The following FRMD6 variants were observed in gnomAD, a reference collection of about 807,000 sequenced individuals.
FRMD6 encodes the protein FERM domain-containing protein 6.
Under a neutral mutation model 73.2 loss-of-function variants are expected in FRMD6, and 37 were observed. The ratio of observed to expected loss-of-function variants is 0.51; its 90% CI spans 0.39 to 0.66. The LOEUF (loss-of-function observed/expected upper bound fraction) is 0.66, where lower values mean the gene tolerates loss of function less well. FRMD6 is among the 30% of genes least tolerant of loss of function. FRMD6 has a pLI of 0.00. For synonymous variants in FRMD6, 273 were observed against 282.2 expected (o/e 0.97, Z 0.33); for missense variants, 714 against 780.5 (o/e 0.91, Z 1.02).
chr14:51,603,944 CAA>C (rs34108011), intron 2 of FRMD6, among the ~76,000 whole-genome samples: 77,402 of 142,752 alleles, frequency 0.54, 20,243 homozygotes, highest in Non-Finnish European at 0.57. Flanking sequence ...TCTTGTGATA[CAA>C]AAAAAAAAAA....
At chr14:51,717,103 G>A (rs761789193) in intron 10 of FRMD6, among the ~76,000 whole-genome samples, 5 of 152,208 alleles carry the variant, frequency 3.3e-5, no homozygotes, top group Non-Finnish European at 5.9e-5. Context: ...TGAGTTTTCA[G>A]AGAGACAGGG....
chr14:51,469,409 C>G, the FRMD6 span, among the ~76,000 whole-genome samples: 1,352 of 150,110 alleles, frequency 9.0e-3, 13 homozygotes, highest in Middle Eastern at 0.024. Context: ...GTCAGCAGAT[C>G]GAGACAATCC....
intron 1 of FRMD6, among the ~76,000 whole-genome samples, chr14:51,535,972 C>T (rs995951358): frequency 6.6e-6 from 1 of 151,064 alleles, no homozygotes; most frequent in Non-Finnish European, 1.5e-5. Flanking sequence ...TTGACCTTAT[C>T]ATTAAACACA....
chr14:51,636,161 ATTACTCCCCGGAGCCAGGG>A (rs1330261916), intron 2 of FRMD6, among the ~76,000 whole-genome samples: 1 of 152,182 alleles, frequency 6.6e-6, no homozygotes, highest in Admixed American at 6.5e-5. Flanking sequence ...TCCCCGCCCC[ATTACTCCCCGGAGCCAGGG>A]TTTATATAGG....
Position 51,729,506 on chromosome 14 carries a change from A to C in FRMD6, c.*1477A>C, listed in dbSNP as rs181913038. On this transcript the variant is annotated 3_prime_UTR_variant, in exon 14 of 14. Coordinates refer to ENST00000344768, the MANE Select transcript of FRMD6 (RefSeq NM_001267046.2). ...GAACTTCATAGCACAATGTCTTTCT[A>C]TAAGATATTTTTAATGATTTAGTAT... The C allele has an allele frequency of 3.9e-5, 6 of 152,668 alleles. No individual in the cohort carries two copies. The highest frequency in any genetic ancestry group is 7.3e-5 in the Non-Finnish European group (5 of 68,036). 9.5% of individuals were successfully genotyped at this position (152,668 alleles called of 1,614,324 possible). A position where few individuals can be genotyped will look rare whatever the true frequency, so the allele number is the denominator to read the frequency against.
chr14:51,701,105 T>A lies in FRMD6; in HGVS notation c.240T>A (p.Cys80Ter). ...TGTCACAAAAGCTTTACAAATATTGTCCAAAAGAATGGAAGAAAGAGGCCA... is the reference window on the plus strand; with the variant it reads ...TGTCACAAAAGCTTTACAAATATTGACCAAAAGAATGGAAGAAAGAGGCCA... ...MELSQKLYKY[C>*]PKEWKKEASK... Residue 80 changes from cysteine (C) to a stop codon, truncating the protein, a stop_gained, in exon 4 of 14, where the codon TGT becomes TGA. Transcript: ENST00000344768. LOFTEE classifies it high-confidence loss of function. 6.3e-7 allele frequency: 1 copy of A among 1,580,206 alleles called. No homozygotes were observed. Among genetic ancestry groups the A allele is most frequent in the Non-Finnish European group, 8.6e-7 (1 of 1,159,964 alleles).
At chr14:51,616,410 A>G (rs1351085392) in intron 2 of FRMD6, among the ~76,000 whole-genome samples, 1 of 152,198 alleles carries the variant, frequency 6.6e-6, no homozygotes, top group Non-Finnish European at 1.5e-5. Context: ...CTACTGGCTT[A>G]GACTAGATTA....
the FRMD6 span, among the ~76,000 whole-genome samples, chr14:51,448,091 G>A: frequency 6.6e-6 from 1 of 152,180 alleles, no homozygotes; most frequent in Non-Finnish European, 1.5e-5. Context: ...GTCTCACCAT[G>A]ATGGATTGTT....
At chr14:51,501,088 T>C (rs1596500880) in intron 1 of FRMD6, among the ~76,000 whole-genome samples, 2 of 152,298 alleles carry the variant, frequency 1.3e-5, no homozygotes, top group East Asian at 3.9e-4. Flanking sequence ...ACTCTAACAA[T>C]TGGGCTTAGA....
chr14:51,429,022 G>A, the FRMD6 span, among the ~76,000 whole-genome samples: 3 of 142,118 alleles, frequency 2.1e-5, no homozygotes, highest in African/African-American at 8.0e-5. Context: ...GAGAGGGTGG[G>A]AGAGAGAGGG....
At chr14:51,427,153 T>C in the FRMD6 span, among the ~76,000 whole-genome samples, 4 of 152,204 alleles carry the variant, frequency 2.6e-5, no homozygotes, top group African/African-American at 9.6e-5. Context: ...GCAGAACTTA[T>C]AGCAAGGTGG....
chr14:51,653,807 T>C (rs1892612209), intron 1 of FRMD6, among the ~76,000 whole-genome samples: 1 of 152,222 alleles, frequency 6.6e-6, no homozygotes, highest in Non-Finnish European at 1.5e-5. Flanking sequence ...TGAATACTTT[T>C]CCCAGTATGT....
chr14:51,610,452 A>T (rs1456270382), intron 2 of FRMD6, among the ~76,000 whole-genome samples: 2 of 151,972 alleles, frequency 1.3e-5, no homozygotes, highest in African/African-American at 4.8e-5. Flanking sequence ...TATCCTACTT[A>T]GAATAAAAAG....
rs192094869 is a variant in FRMD6, at chr14:51,728,946, G to T, written c.*917G>T. ...TATACATATATAAATACATGGGATT[G>T]TGTATGTCTATATGTGTTTAAAGCT... On this transcript the variant is annotated 3_prime_UTR_variant, in exon 14 of 14. Coordinates refer to ENST00000344768, the MANE Select transcript of FRMD6 (RefSeq NM_001267046.2). The T allele has an allele frequency of 1.3e-5, 2 of 152,168 alleles. No homozygotes were observed. Among genetic ancestry groups the T allele is most frequent in the African/African-American group, 4.8e-5 (2 of 41,440 alleles). The allele number at this position is 152,168 out of a possible 1,614,324, so 9.4% of individuals were successfully genotyped here. A position where few individuals can be genotyped will look rare whatever the true frequency, so the allele number is the denominator to read the frequency against.
At chr14:51,396,539 C>T in the FRMD6 span, among the ~76,000 whole-genome samples, 476 of 152,248 alleles carry the variant, frequency 3.1e-3, 7 homozygotes, top group African/African-American at 0.011. Context: ...AGCCACGGAA[C>T]GCAGCTGCCT....
chr14:51,595,854 C>T (rs1011771798), intron 2 of FRMD6, among the ~76,000 whole-genome samples: 16 of 152,162 alleles, frequency 1.1e-4, no homozygotes, highest in South Asian at 6.2e-4. Flanking sequence ...AAACTATTGT[C>T]GATAATTAAT....
At chr14:51,511,484 T>C (rs868532840) in intron 1 of FRMD6, among the ~76,000 whole-genome samples, 2 of 152,372 alleles carry the variant, frequency 1.3e-5, no homozygotes, top group South Asian at 4.1e-4. Context: ...GTAGAACACA[T>C]TGGTTTACAA....
At chr14:51,527,457 G>A (rs926256921) in intron 1 of FRMD6, among the ~76,000 whole-genome samples, 2 of 152,168 alleles carry the variant, frequency 1.3e-5, no homozygotes, top group South Asian at 4.1e-4. Context: ...GTAATCAAGA[G>A]ATAGCCTTAT....
chr14:51,618,327 G>C (rs529638105), intron 2 of FRMD6, among the ~76,000 whole-genome samples: 1 of 152,306 alleles, frequency 6.6e-6, no homozygotes, highest in East Asian at 1.9e-4. Context: ...AAGGCAACTA[G>C]AGTGTAGAGA....
Sources: gnomAD v4.1 joint callset for allele counts (sites outside exome capture counted in the v4.1 genomes callset) on GRCh38, gnomAD v4.1.1 for gene constraint, MANE v1.5 for transcripts, NCBI Gene and HGNC (gene_info 2026-07-23, HGNC 2026-07-21) for gene names.